Variants in SLC25A44 observed in about 807,000 individuals in gnomAD.
SLC25A44 encodes the protein solute carrier family 25 member 44.
In SLC25A44, 17 loss-of-function variants were observed where a neutral mutation model predicts 29.9. That is an observed-to-expected ratio of 0.57 (90% CI 0.39 to 0.85). The LOEUF (loss-of-function observed/expected upper bound fraction) is 0.85, where lower values mean the gene tolerates loss of function less well. Among genes scored for constraint, SLC25A44 ranks in the 40% least tolerant of loss-of-function variants. SLC25A44 has a pLI of 0.00. For synonymous variants in SLC25A44, 140 were observed against 151.8 expected, an observed-to-expected ratio of 0.92 and a Z score of 0.57; for missense variants, 302 against 398.4, an observed-to-expected ratio of 0.76 and a Z score of 2.06.
chr1:156,210,268 C>A lies in SLC25A44; in HGVS notation c.782C>A (p.Thr261Asn), dbSNP rs747163615. The change falls in exon 4 of 4, where the codon ACC becomes AAC. Residue 261 changes from threonine to asparagine, a missense_variant. By Grantham distance (65) the Thr-to-Asn change is moderately conservative. Transcript: ENST00000359511. ...GAGGGCAAGAACTCCATCATCCTGA[C>A]CTTCAGACAGCTGATGGCAGAAGAA... ...QVEGKNSIILTFRQLMAEEGP... is the reference protein window; with the variant it reads ...QVEGKNSIILNFRQLMAEEGP... The A allele has an allele frequency of 6.3e-7, 1 of 1,579,354 alleles. No homozygotes were observed. Among genetic ancestry groups the A allele is most frequent in the African/African-American group, 1.4e-5 (1 of 73,356 alleles).
intron 2 of SLC25A44, among the ~76,000 whole-genome samples, chr1:156,202,819 G>C (rs1656671413): frequency 6.6e-6 from 1 of 152,120 alleles, no homozygotes; most frequent in South Asian, 2.1e-4. Context: ...TCTGTGTGAG[G>C]GCTTGTATAT....
At position 156,211,053 on chromosome 1, in the gene SLC25A44, G is replaced by GC. The variant is rs1657271790; in HGVS notation, c.*622_*623insC. ...GGTTGGGAGAAATGTTGATACTTTT[G>GC]TTTTGTGTGTGTGTGTGTGTGTGTG... On this transcript the variant is annotated 3_prime_UTR_variant, in exon 4 of 4. Coordinates refer to ENST00000359511, the MANE Select transcript of SLC25A44 (RefSeq NM_014655.4). 1 of 101,202 alleles carries GC rather than the reference G, an allele frequency of 9.9e-6. No homozygotes were observed. The highest frequency in any genetic ancestry group is 4.3e-5 in the African/African-American group (1 of 23,434). 6.3% of individuals were successfully genotyped at this position (101,202 alleles called of 1,614,324 possible).
At chr1:156,208,275 C>T (rs2103052470) in intron 3 of SLC25A44, among the ~76,000 whole-genome samples, 1 of 152,288 alleles carries the variant, frequency 6.6e-6, no homozygotes, top group South Asian at 2.1e-4. Context: ...TCGAGACCAG[C>T]CTGGCCAACA....
Position 156,200,230 on chromosome 1 carries a change from T to G in SLC25A44, c.383T>G (p.Val128Gly). The G allele has an allele frequency of 6.2e-7, 1 of 1,614,116 alleles. No individual in the cohort carries two copies. The highest frequency in any genetic ancestry group is 1.1e-5 in the South Asian group (1 of 91,084). Residue 128 changes from valine (V) to glycine (G), a missense_variant, in exon 2 of 4, where the codon GTG becomes GGG. By Grantham distance (109) the Val-to-Gly change is moderately radical. Coordinates refer to ENST00000359511, the MANE Select transcript of SLC25A44 (RefSeq NM_014655.4). ...SASLVAQSIT[V>G]PIDVVSQHLM... Reference sequence around the variant, plus strand: ...TCCCTTGTGGCCCAGAGCATCACAGTGCCCATTGATGTAGTCTCCCAGCAC... The same window carrying G: ...TCCCTTGTGGCCCAGAGCATCACAGGGCCCATTGATGTAGTCTCCCAGCAC...
At chr1:156,200,831 ATTTTTTTTTTT>A (rs35620511) in intron 2 of SLC25A44, among the ~76,000 whole-genome samples, 1 of 99,868 alleles carries the variant, frequency 1.0e-5, no homozygotes, top group African/African-American at 3.9e-5. Context: ...TTTCCTCAGC[ATTTTTTTTTTT>A]TTTTTTTTTT....
chr1:156,210,894 G>A lies in SLC25A44; in HGVS notation c.*463G>A, dbSNP rs1657257873. The A allele has an allele frequency of 6.6e-6, 1 of 152,336 alleles. No homozygotes were observed. The highest frequency in any genetic ancestry group is 2.4e-5 in the African/African-American group (1 of 41,378). 9.4% of individuals were successfully genotyped at this position (152,336 alleles called of 1,614,324 possible). A position where few individuals can be genotyped will look rare whatever the true frequency, so the allele number is the denominator to read the frequency against. On this transcript the variant is annotated 3_prime_UTR_variant, in exon 4 of 4. Coordinates refer to ENST00000359511, the MANE Select transcript of SLC25A44 (RefSeq NM_014655.4). ...TTGCTTATTTTTATTTTGGGACCGAGCTGCCCACTAGATGACTCTGCTTTT... is the reference window on the plus strand; with the variant it reads ...TTGCTTATTTTTATTTTGGGACCGAACTGCCCACTAGATGACTCTGCTTTT...
intron 3 of SLC25A44, 104 bp from the exon 4 acceptor site, chr1:156,210,135 CG>C: frequency 1.3e-6 from 1 of 766,030 alleles, no homozygotes; most frequent in East Asian, 2.7e-5. Flanking sequence ...CCACACCTTC[CG>C]ACGTCGGAGT....
chr1:156,203,813 C>T (rs533841005), intron 2 of SLC25A44, among the ~76,000 whole-genome samples: 3 of 147,110 alleles, frequency 2.0e-5, no homozygotes, highest in African/African-American at 7.7e-5. Flanking sequence ...ACGCCGTTTT[C>T]CTGCCTCAGC....
intron 2 of SLC25A44, among the ~76,000 whole-genome samples, chr1:156,203,338 T>C (rs1323357292): frequency 6.6e-6 from 1 of 152,246 alleles, no homozygotes; most frequent in African/African-American, 2.4e-5. Flanking sequence ...CTGTTTTATA[T>C]TTCAGCACCT....
intron 1 of SLC25A44, among the ~76,000 whole-genome samples, 156 bp downstream of exon 1, chr1:156,194,403 A>G (rs554664824): frequency 2.0e-5 from 3 of 152,330 alleles, no homozygotes; most frequent in Non-Finnish European, 4.4e-5. Flanking sequence ...CTGGCAGAGG[A>G]TCGTGAGATT....
At position 156,200,429 on chromosome 1, in the gene SLC25A44, C is replaced by A. The variant is rs778811105; in HGVS notation, c.582C>A (p.Ile194=). The A allele has an allele frequency of 2.2e-5, 35 of 1,613,180 alleles. No homozygotes were observed. The African/African-American group carries it at 4.4e-4, about 20-fold the overall frequency. ...RGYVASLLTY[I]PNSAVWWPFY... ...ATGTGGCTTCACTGCTTACCTATAT[C>A]CCAAACAGTGCTGTCTGGTGGCCCT... Residue 194 remains isoleucine, a synonymous_variant, in exon 2 of 4, where the codon ATC becomes ATA. Coordinates refer to ENST00000359511, the MANE Select transcript of SLC25A44 (RefSeq NM_014655.4).
intron 2 of SLC25A44, among the ~76,000 whole-genome samples, chr1:156,206,559 G>T (rs1469465975): frequency 6.6e-6 from 1 of 151,106 alleles, no homozygotes; most frequent in East Asian, 2.0e-4. Context: ...TTGAGACAGG[G>T]TCTTACTCTG....
chr1:156,206,809 A>G (rs1174704019), intron 2 of SLC25A44, among the ~76,000 whole-genome samples: 2 of 152,242 alleles, frequency 1.3e-5, no homozygotes, highest in African/African-American at 2.4e-5. Flanking sequence ...CTAGGATTAC[A>G]GGCTTGAGCC....
chr1:156,209,519 T>C (rs1657160508), intron 3 of SLC25A44, among the ~76,000 whole-genome samples: 1 of 152,124 alleles, frequency 6.6e-6, no homozygotes, highest in African/African-American at 2.4e-5. Context: ...CTGTCCTGTA[T>C]TGGCCGAGGG....
At position 156,212,660 on chromosome 1, in the gene SLC25A44, G is replaced by A. The variant is rs183504198; in HGVS notation, c.*2229G>A. The A allele has an allele frequency of 4.1e-5, 8 of 194,128 alleles. No homozygotes were observed. The highest frequency in any genetic ancestry group is 7.7e-5 in the Non-Finnish European group (7 of 91,080). 12.0% of individuals were successfully genotyped at this position (194,128 alleles called of 1,614,324 possible). ...AGACTGGAAACCTGATTGGAGCACT[G>A]AGGAACAAGGGAATGAAAAGGCAGA... On this transcript the variant is annotated 3_prime_UTR_variant, in exon 4 of 4. Coordinates refer to ENST00000359511, the MANE Select transcript of SLC25A44 (RefSeq NM_014655.4).
chr1:156,205,461 G>C (rs1271618316), intron 2 of SLC25A44, among the ~76,000 whole-genome samples: 3 of 152,136 alleles, frequency 2.0e-5, no homozygotes, highest in East Asian at 3.9e-4. Context: ...AGGGTACTGG[G>C]CTTGGCTGCC....
rs1656472704 is a variant in SLC25A44 at position 156,200,228 on chromosome 1, A to G, written c.381A>G (p.Thr127=). 6.2e-7 allele frequency: 1 copy of G among 1,614,094 alleles called. No individual in the cohort carries two copies. The highest frequency in any genetic ancestry group is 1.3e-5 in the African/African-American group (1 of 74,932). Residue 127 remains threonine (T), a synonymous_variant, in exon 2 of 4, where the codon ACA becomes ACG. Transcript: ENST00000359511. ...CCTCCCTTGTGGCCCAGAGCATCAC[A>G]GTGCCCATTGATGTAGTCTCCCAGC... ...GSASLVAQSI[T]VPIDVVSQHL...
At chr1:156,204,629 G>C (rs1656815822) in intron 2 of SLC25A44, among the ~76,000 whole-genome samples, 2 of 151,926 alleles carry the variant, frequency 1.3e-5, no homozygotes, top group Non-Finnish European at 2.9e-5. Flanking sequence ...TGGGATTACA[G>C]GCGCCTGCTG....
At chr1:156,207,370 G>A (rs1217674689) in intron 2 of SLC25A44, among the ~76,000 whole-genome samples, 10 of 152,012 alleles carry the variant, frequency 6.6e-5, no homozygotes, top group Admixed American at 1.3e-4. Context: ...TAGTAGAGAC[G>A]GGGTTTCACC....
Sources: allele counts gnomAD v4.1 joint callset (sites outside exome capture counted in the v4.1 genomes callset), GRCh38; gene constraint gnomAD v4.1.1; transcripts MANE v1.5; gene names NCBI Gene and HGNC (gene_info 2026-07-23, HGNC 2026-07-21).